PPP6R2: variants seen among roughly 807,000 people sequenced by gnomAD.
PPP6R2 encodes protein phosphatase 6 regulatory subunit 2, also known as serine/threonine-protein phosphatase 6 regulatory subunit 2.
In PPP6R2, 62 loss-of-function variants were observed where a neutral mutation model predicts 100.2. The observed-to-expected ratio is 0.62, with a 90% CI of 0.50 to 0.76. The LOEUF (loss-of-function observed/expected upper bound fraction) is 0.76, where lower values mean the gene tolerates loss of function less well. Ranked by LOEUF, PPP6R2 falls within the 30% of genes least tolerant of loss-of-function variation. PPP6R2 has a pLI of 0.00. For missense variants in PPP6R2, 1,142 were observed against 1,276.3 expected (o/e 0.89, Z 1.60); for synonymous variants, 525 against 514.7 (o/e 1.02, Z -0.27).
At chr22:50,374,949 A>C (rs2051144630) in intron 2 of PPP6R2, among the ~76,000 whole-genome samples, 1 of 151,700 alleles carries the variant, frequency 6.6e-6, no homozygotes, top group Non-Finnish European at 1.5e-5. Flanking sequence ...AGAAAAAAAC[A>C]AACCCACACC....
chr22:50,428,922 T>C (rs140571891), intron 10 of PPP6R2, among the ~76,000 whole-genome samples: 248 of 152,344 alleles, frequency 1.6e-3, no homozygotes, highest in African/African-American at 5.7e-3. Context: ...CTTTCAGTCT[T>C]TCAGCATTGA....
chr22:50,365,401 G>A (rs1015123506), intron 1 of PPP6R2, among the ~76,000 whole-genome samples: 34 of 151,978 alleles, frequency 2.2e-4, no homozygotes, highest in African/African-American at 8.0e-4. Flanking sequence ...TATTTAGGCT[G>A]GGCATAGTGG....
At chr22:50,442,439 C>CACAGCA (rs2065883305) in intron 22 of PPP6R2, among the ~76,000 whole-genome samples, 12 of 152,228 alleles carry the variant, frequency 7.9e-5, no homozygotes, top group Non-Finnish European at 1.2e-4. Context: ...GGGCCAAGGC[C>CACAGCA]GTTTCCCGAT....
At position 50,433,363 on chromosome 22, in the gene PPP6R2, C is replaced by T. The variant is rs558698222; in HGVS notation, c.1400+1034C>T. On this transcript the variant is annotated intron_variant, in intron 12 of 23. Transcript: ENST00000612753. ...CCTGGAGGAGGGCTGGGGGCGCGGA[C>T]GCTGGGCAGGGGCCGGGCATTTGCT... is the stretch of plus-strand genomic sequence containing the variant. Among the ~76,000 whole-genome samples the T allele has an allele frequency of 5.1e-4, 43 of 84,744 alleles. 1 individual carries two copies. Among genetic ancestry groups the T allele is most frequent in the African/African-American group, 1.0e-3 (24 of 23,522 alleles). The allele number at this position is 84,744 out of a possible 152,430, so 55.6% of individuals were successfully genotyped here. A position where few individuals can be genotyped will look rare whatever the true frequency, so the allele number is the denominator to read the frequency against.
At chr22:50,427,880 G>C (rs889719592) in intron 10 of PPP6R2, among the ~76,000 whole-genome samples, 2 of 152,126 alleles carry the variant, frequency 1.3e-5, no homozygotes, top group Admixed American at 6.5e-5. Context: ...GCTACCTCGC[G>C]TGGCTAATTT....
At chr22:50,437,177 C>T (rs139462371) in intron 15 of PPP6R2, 109 bp downstream of exon 15, 8 of 1,052,886 alleles carry the variant, frequency 7.6e-6, no homozygotes, top group South Asian at 1.4e-5. Flanking sequence ...CAAAGGGGAG[C>T]GGGGGCTCGT....
Position 50,437,879 on chromosome 22 carries a change from C to T in PPP6R2, c.1818C>T (p.Asn606=). ...PFDRIAEINF[N]IDADEDSPSA... ...ACAGGATCGCAGAGATCAACTTCAA[C>T]ATCGACGCTGACGAGGACAGTGTGA... The change falls in exon 17 of 24, where the codon AAC becomes AAT. Residue 606 remains asparagine (N), a synonymous_variant. Coordinates refer to ENST00000612753, the MANE Select transcript of PPP6R2 (RefSeq NM_001242898.2). 6.4e-7 allele frequency: 1 copy of T among 1,554,984 alleles called. No individual in the cohort carries two copies. Among genetic ancestry groups the T allele is most frequent in the Non-Finnish European group, 8.7e-7 (1 of 1,149,022 alleles).
intron 8 of PPP6R2, 141 bp from the exon 9 acceptor site, chr22:50,422,113 C>T (rs530083835): frequency 4.8e-6 from 5 of 1,036,800 alleles, no homozygotes; most frequent in African/African-American, 4.8e-5. Context: ...TGTGGAGACG[C>T]TGGGTAGCTG....
chr22:50,373,402 C>T (rs192627550), intron 2 of PPP6R2, among the ~76,000 whole-genome samples: 93 of 151,104 alleles, frequency 6.2e-4, no homozygotes, highest in African/African-American at 2.1e-3. Flanking sequence ...CCAGCACGCC[C>T]GGCTAATTTT....
chr22:50,440,367 T>C (rs752388950), intron 21 of PPP6R2, among the ~76,000 whole-genome samples: 1 of 152,182 alleles, frequency 6.6e-6, no homozygotes, highest in Non-Finnish European at 1.5e-5. Flanking sequence ...GGGTGGGTTG[T>C]TGGCAGGAAG....
intron 4 of PPP6R2, among the ~76,000 whole-genome samples, chr22:50,408,262 C>T (rs1446588804): frequency 6.6e-6 from 1 of 152,066 alleles, no homozygotes; most frequent in African/African-American, 2.4e-5. Flanking sequence ...AAATATTAAC[C>T]GTAATTGTTT....
chr22:50,333,610 T>A, the PPP6R2 span, among the ~76,000 whole-genome samples: 2 of 152,176 alleles, frequency 1.3e-5, no homozygotes, highest in African/African-American at 4.8e-5. Context: ...GGGATTACAG[T>A]CATGAGCCAC....
intron 8 of PPP6R2, 94 bp from the exon 9 acceptor site, chr22:50,422,160 G>A (rs941100292): frequency 7.3e-6 from 11 of 1,497,256 alleles, no homozygotes; most frequent in Middle Eastern, 1.8e-4. Context: ...AAGTTAAAAG[G>A]GCTCTTTCTG....
At chr22:50,434,668 G>A (rs1379381819) in intron 12 of PPP6R2, among the ~76,000 whole-genome samples, 1 of 101,324 alleles carries the variant, frequency 9.9e-6, no homozygotes, top group Non-Finnish European at 2.0e-5. Context: ...GCAGGGGCCG[G>A]GCACTTGCCC....
In PPP6R2 at chr22:50,440,943, T is replaced by C; in HGVS notation, c.2496T>C (p.Ser832=). 1 of 1,613,454 alleles carries C rather than the reference T, an allele frequency of 6.2e-7. No homozygotes were observed. Among genetic ancestry groups the C allele is most frequent in the South Asian group, 1.1e-5 (1 of 91,080 alleles). The change falls in exon 22 of 24, where the codon AGT becomes AGC. Residue 832 remains serine (S), a synonymous_variant. Coordinates refer to ENST00000612753, the MANE Select transcript of PPP6R2 (RefSeq NM_001242898.2). ...AGGATGGCGACCAGAAGGCAGCGAG[T>C]GCCATGGATGCGGTGAGCAGGGGTC... ...HSEDGDQKAA[S]AMDAVSRGPG...
intron 6 of PPP6R2, among the ~76,000 whole-genome samples, chr22:50,418,004 C>G (rs547155488): frequency 6.6e-6 from 1 of 152,280 alleles, no homozygotes; most frequent in East Asian, 1.9e-4. Flanking sequence ...TCACGGATTG[C>G]GTGTTAATGT....
intron 1 of PPP6R2, among the ~76,000 whole-genome samples, chr22:50,371,796 C>T (rs1202691310): frequency 2.0e-5 from 3 of 152,072 alleles, no homozygotes; most frequent in Admixed American, 2.0e-4. Flanking sequence ...GCCACCACAC[C>T]CGGCTAATTT....
intron 3 of PPP6R2, among the ~76,000 whole-genome samples, chr22:50,401,195 C>T (rs2057957082): frequency 6.6e-6 from 1 of 151,992 alleles, no homozygotes; most frequent in Non-Finnish European, 1.5e-5. Flanking sequence ...TGCTTAACAT[C>T]TGTCATATTT....
At chr22:50,415,153 G>A (rs2060352269) in intron 5 of PPP6R2, among the ~76,000 whole-genome samples, 1 of 152,260 alleles carries the variant, frequency 6.6e-6, no homozygotes, top group Non-Finnish European at 1.5e-5. Context: ...TAGTCAGTGA[G>A]AACAGGTGCT....
Sources: allele counts gnomAD v4.1 joint callset (sites outside exome capture counted in the v4.1 genomes callset), GRCh38; gene constraint gnomAD v4.1.1; transcripts MANE v1.5; gene names NCBI Gene and HGNC (gene_info 2026-07-23, HGNC 2026-07-21).